The following ASIC5 variants were observed in gnomAD, a reference collection of about 807,000 sequenced individuals.
The protein encoded by ASIC5 is acid sensing ion channel subunit family member 5.
A neutral mutation model predicts 51.2 loss-of-function variants in ASIC5; 52 were observed. That is an observed-to-expected ratio of 1.02 (90% confidence interval 0.81 to 1.28). ASIC5 has a LOEUF of 1.28. ASIC5 is among the 50% of genes most tolerant of loss of function. The pLI, the probability that ASIC5 is intolerant of heterozygous loss-of-function variation, is 0.00. For synonymous variants in ASIC5, 231 were observed against 200.7 expected (o/e 1.15, Z -1.28); for missense variants, 635 against 595.0 (o/e 1.07, Z -0.70).
intron 2 of ASIC5, among the ~76,000 whole-genome samples, chr4:155,861,205 A>G (rs1433674115): frequency 2.0e-5 from 3 of 151,946 alleles, no homozygotes; most frequent in Non-Finnish European, 4.4e-5. Context: ...CCATGTGCAC[A>G]TGAGAAGAAT....
chr4:155,830,008 T>C lies in ASIC5; in HGVS notation c.1366A>G (p.Ser456Gly). The C allele has an allele frequency of 6.3e-7, 1 of 1,586,216 alleles. No homozygotes were observed. Among genetic ancestry groups the C allele is most frequent in the Non-Finnish European group, 8.6e-7 (1 of 1,166,754 alleles). ...ATAATTTCTATGATCGTGATCAGAC[T>C]GGCCCCACAAAATAGACCCAGCTGA... ...GGQLGLFCGASLITIIEIIEY... is the reference protein window; with the variant it reads ...GGQLGLFCGAGLITIIEIIEY... The change falls in exon 10 of 10, where the codon AGT (serine) becomes GGT (glycine). Residue 456 changes from serine to glycine, a missense_variant. Physicochemically the swap from Ser to Gly is moderately conservative, Grantham distance 56. Coordinates refer to ENST00000537611, the MANE Select transcript of ASIC5 (RefSeq NM_017419.3).
chr4:155,852,446 T>G, intron 3 of ASIC5, 130 bp from the exon 4 acceptor site: 1 of 717,710 alleles, frequency 1.4e-6, no homozygotes, highest in Non-Finnish European at 2.2e-6. Context: ...GAGAATAGTC[T>G]GATTTATATG....
chr4:155,861,432 A>G (rs1741703197), intron 2 of ASIC5, among the ~76,000 whole-genome samples: 1 of 152,000 alleles, frequency 6.6e-6, no homozygotes, highest in African/African-American at 2.4e-5. Context: ...TAAAATGACA[A>G]TTTTTTATAT....
At chr4:155,847,219 G>GA (rs1741271423) in intron 4 of ASIC5, among the ~76,000 whole-genome samples, 1 of 151,850 alleles carries the variant, frequency 6.6e-6, no homozygotes, top group African/African-American at 2.4e-5. Context: ...GTTTGCTTAG[G>GA]AAAAAAACTG....
rs957890271 is a variant in ASIC5 at position 155,841,823 on chromosome 4, A to G, written c.1009+384T>C. Among the ~76,000 whole-genome samples the G allele has an allele frequency of 2.0e-5, 3 of 152,268 alleles. No homozygotes were observed. In the East Asian group the frequency reaches 5.8e-4, roughly 29 times the overall value. On this transcript the variant is annotated intron_variant, in intron 6 of 9. Coordinates refer to ENST00000537611, the MANE Select transcript of ASIC5 (RefSeq NM_017419.3). ...CCAGAAATCTCTGCGATGATTTTAT[A>G]ATGTAAAATTTGTCAGTCGAAGTTG...
chr4:155,853,574 TATTATATATAATATATAATATATA>T (rs1282147209), intron 3 of ASIC5, among the ~76,000 whole-genome samples: 527 of 3,532 alleles, frequency 0.15, 22 homozygotes, highest in East Asian at 0.51. Flanking sequence ...ATATACTAGT[TATTATATATAATATATAATATATA>T]CTAGTTATTA....
intron 3 of ASIC5, among the ~76,000 whole-genome samples, chr4:155,852,921 C>G (rs1300007945): frequency 6.6e-6 from 1 of 151,768 alleles, no homozygotes; most frequent in East Asian, 1.9e-4. Flanking sequence ...GAGTCAGCAG[C>G]CATTTTGGTG....
chr4:155,836,203 G>A (rs1357684402), intron 8 of ASIC5, among the ~76,000 whole-genome samples: 1 of 152,172 alleles, frequency 6.6e-6, no homozygotes, highest in Non-Finnish European at 1.5e-5. Flanking sequence ...GGGGACCAGC[G>A]TCAAAGTTCT....
chr4:155,854,179 G>A lies in ASIC5; in HGVS notation c.483C>T (p.His161=). 1 of 1,613,384 alleles carries A rather than the reference G, an allele frequency of 6.2e-7. No individual in the cohort carries two copies. Among genetic ancestry groups the A allele is most frequent in the African/African-American group, 1.3e-5 (1 of 74,966 alleles). Residue 161 remains histidine (H), a synonymous_variant, in exon 3 of 10, where the codon CAC becomes CAT. Coordinates refer to ENST00000537611, the MANE Select transcript of ASIC5 (RefSeq NM_017419.3). ...SREATDFAAS[H]QNFSIVEFIR... ...TAAATTCCACAATGCTGAAGTTTTG[G>A]TGACTTGCAGCAAAATCAGTAGCCT...
At chr4:155,841,833 T>A (rs930277786) in intron 6 of ASIC5, among the ~76,000 whole-genome samples, 1 of 152,188 alleles carries the variant, frequency 6.6e-6, no homozygotes, top group Non-Finnish European at 1.5e-5. Context: ...AATGTAAAAT[T>A]TGTCAGTCGA....
At chr4:155,852,481 T>G (rs2111254687) in intron 3 of ASIC5, among the ~76,000 whole-genome samples, 165 bp from the exon 4 acceptor site, 1 of 151,816 alleles carries the variant, frequency 6.6e-6, no homozygotes, top group South Asian at 2.1e-4. Context: ...GTTTTTTTTT[T>G]TTGGTAATAT....
At chr4:155,830,131 T>C (rs754026003) in intron 9 of ASIC5, 85 bp from the exon 10 acceptor site, 9 of 880,728 alleles carry the variant, frequency 1.0e-5, no homozygotes, top group Admixed American at 7.1e-5. Context: ...TGAAGCAAAA[T>C]AGAGTCATAA....
chr4:155,863,477 G>A lies in ASIC5; in HGVS notation c.318C>T (p.Phe106=), dbSNP rs770290427. 1.9e-6 allele frequency: 3 copies of A among 1,613,282 alleles called. No individual in the cohort carries two copies. Among genetic ancestry groups the A allele is most frequent in the South Asian group, 1.1e-5 (1 of 91,014 alleles). ...IEVQYVEKME[F]PAVTFCNLNR... ...TCAAATTACAAAATGTCACAGCTGG[G>A]AACTCCATCTTTTCCACATATTGAA... The change falls in exon 2 of 10, where the codon TTC becomes TTT. Residue 106 remains phenylalanine (F), a synonymous_variant. Coordinates refer to ENST00000537611, the MANE Select transcript of ASIC5 (RefSeq NM_017419.3).
intron 7 of ASIC5, among the ~76,000 whole-genome samples, chr4:155,838,394 A>C (rs972895217): frequency 5.3e-5 from 8 of 152,204 alleles, no homozygotes; most frequent in African/African-American, 1.9e-4. Flanking sequence ...AAAAAATTTT[A>C]TATGCCAAGT....
chr4:155,863,678 A>G lies in ASIC5; in HGVS notation c.117T>C (p.His39=), dbSNP rs1439452096. The part of the protein sequence containing the change: ...PSPTERKKFD[H]DFAISTSFHG... ...GAAAGGAAGTGGAGATGGCAAAGTCATGGTCAAACTTCTTTCGCTCAGTGG... is the reference window on the plus strand; with the variant it reads ...GAAAGGAAGTGGAGATGGCAAAGTCGTGGTCAAACTTCTTTCGCTCAGTGG... The change falls in exon 2 of 10, where the codon CAT becomes CAC. Residue 39 remains histidine (H), a synonymous_variant. Transcript: ENST00000537611. The G allele has an allele frequency of 1.2e-6, 2 of 1,613,990 alleles. No individual in the cohort carries two copies. Among genetic ancestry groups the G allele is most frequent in the Non-Finnish European group, 1.7e-6 (2 of 1,179,912 alleles).
intron 4 of ASIC5, among the ~76,000 whole-genome samples, chr4:155,845,506 T>G (rs1190591877): frequency 6.6e-6 from 1 of 151,512 alleles, no homozygotes; most frequent in Non-Finnish European, 1.5e-5. Flanking sequence ...TAAGGAAGAG[T>G]GTAGTTAAGA....
At chr4:155,835,814 G>A (rs983160205) in intron 8 of ASIC5, among the ~76,000 whole-genome samples, 3 of 152,096 alleles carry the variant, frequency 2.0e-5, no homozygotes, top group Non-Finnish European at 4.4e-5. Context: ...TGTTACCTCA[G>A]CGTTTACATG....
At chr4:155,850,194 A>T (rs2111251289) in intron 4 of ASIC5, among the ~76,000 whole-genome samples, 1 of 151,938 alleles carries the variant, frequency 6.6e-6, no homozygotes, top group South Asian at 2.1e-4. Context: ...ATTCTATTTA[A>T]AGTTATTCCT....
chr4:155,856,131 A>G (rs536663905), intron 2 of ASIC5, among the ~76,000 whole-genome samples: 14 of 152,204 alleles, frequency 9.2e-5, no homozygotes, highest in African/African-American at 3.1e-4. Context: ...CATTCTTTCT[A>G]TAATCTCAAG....
Sources: gnomAD v4.1 joint callset for allele counts (sites outside exome capture counted in the v4.1 genomes callset) on GRCh38, gnomAD v4.1.1 for gene constraint, MANE v1.5 for transcripts, NCBI Gene and HGNC (gene_info 2026-07-23, HGNC 2026-07-21) for gene names.